Variants in NUTM2F observed in about 807,000 individuals in gnomAD.
NUTM2F encodes NUT family member 2F.
Under a neutral mutation model 43.3 loss-of-function variants are expected in NUTM2F, and 22 were observed. That is an observed-to-expected ratio of 0.51 (90% confidence interval 0.36 to 0.73). NUTM2F has a LOEUF of 0.73. Ranked by LOEUF, NUTM2F falls within the 30% of genes least tolerant of loss-of-function variation. NUTM2F has a pLI of 0.00. For synonymous variants in NUTM2F, 202 were observed against 389.0 expected (o/e 0.52, Z 5.66); for missense variants, 488 against 927.4 (o/e 0.53, Z 6.15).
At position 94,320,517 on chromosome 9, in the gene NUTM2F, C is replaced by A. The variant is rs1415189545; in HGVS notation, c.1059G>T (p.Glu353Asp). 8 of 1,611,314 alleles carry A rather than the reference C, an allele frequency of 5.0e-6. No homozygotes were observed. The African/African-American group carries it at 6.7e-5, about 13-fold the overall frequency. Residue 353 changes from glutamate to aspartate, a missense_variant, in exon 5 of 7, where the codon GAG (glutamate) becomes GAT (aspartate). Physicochemically the swap from Glu to Asp is conservative, Grantham distance 45. Coordinates refer to ENST00000253262, the MANE Select transcript of NUTM2F (RefSeq NM_017561.2). The surrounding 1 kb of genome is among the most constrained non-coding windows in gnomAD (Gnocchi z 4.5). ...TGGGTGGTGGCAGGTGGGCCTTGGT[C>A]TCCGCTGGCCTCTGGGGCCTGGGTG... ...LPPPRPQRPAETKAHLPPPRP... is the reference protein window; with the variant it reads ...LPPPRPQRPADTKAHLPPPRP...
chr9:94,325,894 G>A lies in NUTM2F; in HGVS notation c.57C>T (p.Gly19=). ...GAGCCGTGAACACAGACAGGGAGGT[G>A]CCAGGGTTCACGGTCACGCCGGGTC... ...VLGPGVTVNP[G]TSLSVFTALP... is the part of the protein sequence containing the mutation. Residue 19 remains glycine, a synonymous_variant, in exon 2 of 7, where the codon GGC becomes GGT. Transcript: ENST00000253262. The A allele has an allele frequency of 6.2e-7, 1 of 1,611,946 alleles. No homozygotes were observed. The highest frequency in any genetic ancestry group is 8.5e-7 in the Non-Finnish European group (1 of 1,179,852).
intron 2 of NUTM2F, among the ~76,000 whole-genome samples, chr9:94,324,662 CA>C (rs539317022): frequency 0.053 from 3,171 of 60,326 alleles, 74 homozygotes; most frequent in African/African-American, 0.13. Context: ...GACTCCATCT[CA>C]AAAAAAAAAA....
chr9:94,322,081 A>G (rs113546597), intron 3 of NUTM2F, 120 bp downstream of exon 3: 166,391 of 1,403,382 alleles, frequency 0.12, 10,974 homozygotes, highest in Middle Eastern at 0.21. Flanking sequence ...GGCCCAGGGC[A>G]TCCTGTGTTT....
At chr9:94,324,686 A>G (rs66672325) in intron 2 of NUTM2F, among the ~76,000 whole-genome samples, 48 of 147,208 alleles carry the variant, frequency 3.3e-4, no homozygotes, top group Admixed American at 1.2e-3. Flanking sequence ...AAAGAAAAGA[A>G]AAGAAAAGAA....
At chr9:94,322,406 C>G in intron 2 of NUTM2F, 77 bp from the exon 3 acceptor site, 1 of 1,580,840 alleles carries the variant, frequency 6.3e-7, no homozygotes, top group East Asian at 2.3e-5. Context: ...ACACCTGGCT[C>G]CTGTCCTCCC....
intron 3 of NUTM2F, among the ~76,000 whole-genome samples, chr9:94,321,459 C>G (rs1407272462): frequency 6.7e-6 from 1 of 149,394 alleles, no homozygotes; most frequent in African/African-American, 2.5e-5. Context: ...GGCTTCCTGA[C>G]TCAAGTCAGG....
intron 2 of NUTM2F, among the ~76,000 whole-genome samples, chr9:94,324,715 G>A (rs1831428009): frequency 6.7e-6 from 1 of 150,204 alleles, no homozygotes. Flanking sequence ...TTGGGGCGGG[G>A]CATGATGGCT....
In NUTM2F at chr9:94,320,318, G is replaced by A. The variant is rs375706271; in HGVS notation, c.1258C>T (p.Arg420Trp). 5.6e-5 allele frequency: 90 copies of A among 1,613,716 alleles called. No homozygotes were observed. Among genetic ancestry groups the A allele is most frequent in the East Asian group, 4.9e-4 (22 of 44,888 alleles). The part of the protein sequence containing the change: ...PGDTGEPEGQ[R>W]EKGKVEQPQE... ...GGCTGCTCCACTTTGCCCTTTTCCC[G>A]TTGTCCCTCAGGCTCCCCTGTGTCC... is the stretch of plus-strand genomic sequence containing the variant. Residue 420 changes from arginine (R) to tryptophan (W), a missense_variant, in exon 5 of 7, where the codon CGG becomes TGG. By Grantham distance (101) the Arg-to-Trp change is moderately radical (BLOSUM62 -3). Coordinates refer to ENST00000253262, the MANE Select transcript of NUTM2F (RefSeq NM_017561.2). The surrounding 1 kb of genome is among the most constrained non-coding windows in gnomAD (Gnocchi z 4.5).
chr9:94,322,817 G>T (rs1295735456), intron 2 of NUTM2F, among the ~76,000 whole-genome samples: 1 of 152,114 alleles, frequency 6.6e-6, no homozygotes, highest in Non-Finnish European at 1.5e-5. Context: ...CACCCAATCC[G>T]CTGTCACCTT....
Position 94,325,920 on chromosome 9 carries a change from C to T in NUTM2F, c.31G>A (p.Gly11Arg), listed in dbSNP as rs1442135262. The change falls in exon 2 of 7, where the codon GGA becomes AGA. Residue 11 changes from glycine to arginine, a missense_variant. Physicochemically the swap from Gly to Arg is moderately radical, Grantham distance 125. Coordinates refer to ENST00000253262, the MANE Select transcript of NUTM2F (RefSeq NM_017561.2). Reference protein sequence around the residue: MASNGAYPVLGPGVTVNPGTS... With the variant: MASNGAYPVLRPGVTVNPGTS... ...CCAGGGTTCACGGTCACGCCGGGTC[C>T]CAGCACTGGGTATGCTGTGGAGACA... The T allele has an allele frequency of 6.2e-7, 1 of 1,611,754 alleles. No homozygotes were observed. The highest frequency in any genetic ancestry group is 2.2e-5 in the East Asian group (1 of 44,870).
At position 94,320,401 on chromosome 9, in the gene NUTM2F, G is replaced by A; in HGVS notation, c.1175C>T (p.Pro392Leu). The change falls in exon 5 of 7, where the codon CCT (proline) becomes CTT (leucine). Residue 392 changes from proline (P) to leucine (L), a missense_variant. Physicochemically the swap from Pro to Leu is moderately conservative, Grantham distance 98. Transcript: ENST00000253262. This position sits in a 1 kb window ranked among gnomAD's most constrained non-coding sequence, Gnocchi z 4.5. Reference protein sequence around the residue: ...AETKVPEEIPPEVVQEYVDIM... With the variant: ...AETKVPEEIPLEVVQEYVDIM... ...GTCCACATACTCCTGCACCACTTCAGGGGGGATCTCCTCAGGGACCTTGGT... is the reference window on the plus strand; with the variant it reads ...GTCCACATACTCCTGCACCACTTCAAGGGGGATCTCCTCAGGGACCTTGGT... The A allele has an allele frequency of 3.1e-6, 5 of 1,613,006 alleles. No homozygotes were observed. Among genetic ancestry groups the A allele is most frequent in the Non-Finnish European group, 4.2e-6 (5 of 1,179,864 alleles).
intron 3 of NUTM2F, 75 bp from the exon 4 acceptor site, chr9:94,321,307 G>A: frequency 1.3e-6 from 2 of 1,536,094 alleles, no homozygotes; most frequent in Non-Finnish European, 1.7e-6. Flanking sequence ...AGCAGCTGAG[G>A]GCAGGGATGG....
chr9:94,325,692 T>C lies in NUTM2F; in HGVS notation c.259A>G (p.Thr87Ala). 1 of 1,611,086 alleles carries C rather than the reference T, an allele frequency of 6.2e-7. No individual in the cohort carries two copies. Among genetic ancestry groups the C allele is most frequent in the Non-Finnish European group, 8.5e-7 (1 of 1,179,728 alleles). The change falls in exon 2 of 7, where the codon ACA becomes GCA. Residue 87 changes from threonine (T) to alanine (A), a missense_variant. Physicochemically the swap from Thr to Ala is moderately conservative, Grantham distance 58. Coordinates refer to ENST00000253262, the MANE Select transcript of NUTM2F (RefSeq NM_017561.2). ...GASNVFVQMR[T>A]EVGPVKPPQA... ...GGGGGCTTCACAGGCCCCACTTCTG[T>C]CCTCATCTGGACAAAGACGTTGGAA... is the stretch of plus-strand genomic sequence containing the variant.
rs1831387139 is a variant in NUTM2F, at chr9:94,322,321, A to G, written c.722T>C (p.Leu241Pro). 1 of 1,611,764 alleles carries G rather than the reference A, an allele frequency of 6.2e-7. No homozygotes were observed. The highest frequency in any genetic ancestry group is 1.1e-5 in the South Asian group (1 of 90,980). The change falls in exon 3 of 7, where the codon CTC becomes CCC. Residue 241 changes from leucine (L) to proline (P), a missense_variant. Leu to Pro is a moderately conservative substitution (Grantham distance 98). Coordinates refer to ENST00000253262, the MANE Select transcript of NUTM2F (RefSeq NM_017561.2). ...GGGCTTCCGCCGGGCCAGGGATCGG[A>G]GAACTGGGCTGTAAACCAGTGCAGT... ...EALSCFLIPV[L>P]RSLARRKPTM... is the part of the protein sequence containing the mutation.
intron 2 of NUTM2F, among the ~76,000 whole-genome samples, chr9:94,324,145 C>T (rs1324667976): frequency 6.6e-6 from 1 of 151,824 alleles, no homozygotes; most frequent in Middle Eastern, 3.2e-3. Flanking sequence ...TGGCGGGCGC[C>T]TGTAAGCCCA....
chr9:94,328,643 A>G lies in NUTM2F; in HGVS notation c.-20T>C. On this transcript the variant is annotated 5_prime_UTR_variant, in exon 1 of 7. Coordinates refer to ENST00000253262, the MANE Select transcript of NUTM2F (RefSeq NM_017561.2). ...AGCCATCCCCTCAGGCTGGGCACTGACCACCACTGTCTGGCAGCTTCCGCA... is the reference window on the plus strand; with the variant it reads ...AGCCATCCCCTCAGGCTGGGCACTGGCCACCACTGTCTGGCAGCTTCCGCA... 6.2e-7 allele frequency: 1 copy of G among 1,612,700 alleles called. No individual in the cohort carries two copies. The highest frequency in any genetic ancestry group is 1.1e-5 in the South Asian group (1 of 90,996).
chr9:94,323,897 T>G (rs1346174828), intron 2 of NUTM2F, among the ~76,000 whole-genome samples: 1 of 152,074 alleles, frequency 6.6e-6, no homozygotes, highest in African/African-American at 2.4e-5. Context: ...GCCCTGCAGC[T>G]CCTCCCCCCA....
chr9:94,321,420 G>A (rs565711190), intron 3 of NUTM2F, among the ~76,000 whole-genome samples, 188 bp from the exon 4 acceptor site: 9 of 150,862 alleles, frequency 6.0e-5, no homozygotes, highest in East Asian at 2.0e-4. Flanking sequence ...TCCCTCACCC[G>A]GCCCCTGCAG....
At chr9:94,321,883 A>G (rs2479583) in intron 3 of NUTM2F, among the ~76,000 whole-genome samples, 6,049 of 147,352 alleles carry the variant, frequency 0.041, 280 homozygotes, top group African/African-American at 0.076. Flanking sequence ...AGTCACTAGC[A>G]CCCCTTCTCC....
Sources: gnomAD v4.1 joint callset for allele counts (sites outside exome capture counted in the v4.1 genomes callset) on GRCh38, gnomAD v4.1.1 for gene constraint, Gnocchi (gnomAD v3.1) non-coding constraint, MANE v1.5 for transcripts, NCBI Gene and HGNC (gene_info 2026-07-23, HGNC 2026-07-21) for gene names.